The following LRRFIP1 variants were observed in gnomAD, a reference collection of about 807,000 sequenced individuals.
LRRFIP1 encodes the protein leucine-rich repeat flightless-interacting protein 1.
In LRRFIP1, 62 loss-of-function variants were observed where a neutral mutation model predicts 104.4. That is an observed-to-expected ratio of 0.59 (90% CI 0.48 to 0.73). The LOEUF is 0.73. LRRFIP1 is among the 30% of genes least tolerant of loss of function. The probability of loss-of-function intolerance (pLI) is 0.00; values close to 1 mark genes in which losing one functional copy is unlikely to be tolerated. For missense variants in LRRFIP1, 796 were observed against 824.5 expected (o/e 0.97, Z 0.42); for synonymous variants, 300 against 299.0 (o/e 1.00, Z -0.03).
Position 237,779,760 on chromosome 2 carries a change from G to T in LRRFIP1, c.*228G>T, listed in dbSNP as rs2061381041. 9 of 422,498 alleles carry T rather than the reference G, an allele frequency of 2.1e-5. 1 individual carries two copies. In the South Asian group the frequency reaches 2.3e-4, roughly 11 times the overall value. 26.2% of individuals were successfully genotyped at this position (422,498 alleles called of 1,614,324 possible). ...TGGCCCGGGCTGGCGCCGACGCTCAGAACCTGCAGGTACTTCATAAGCACA... is the reference window on the plus strand; with the variant it reads ...TGGCCCGGGCTGGCGCCGACGCTCATAACCTGCAGGTACTTCATAAGCACA... On this transcript the variant is annotated 3_prime_UTR_variant, in exon 24 of 24. Coordinates refer to ENST00000308482, the MANE Select transcript of LRRFIP1 (RefSeq NM_001137550.2).
At chr2:237,708,230 G>C (rs181704594) in intron 1 of LRRFIP1, among the ~76,000 whole-genome samples, 30 of 152,308 alleles carry the variant, frequency 2.0e-4, no homozygotes, top group African/African-American at 7.0e-4. Flanking sequence ...CTGTGCCTTC[G>C]TTCCCTCATA....
At chr2:237,707,628 T>C (rs1874145) in intron 1 of LRRFIP1, among the ~76,000 whole-genome samples, 6 of 152,318 alleles carry the variant, frequency 3.9e-5, no homozygotes, top group East Asian at 3.9e-4. Flanking sequence ...GTAACACTTA[T>C]GCCATCGAGC....
intron 18 of LRRFIP1, among the ~76,000 whole-genome samples, chr2:237,759,640 C>T (rs1159884422): frequency 1.3e-5 from 2 of 152,140 alleles, no homozygotes; most frequent in African/African-American, 2.4e-5. Flanking sequence ...ACATAAGTTT[C>T]GTGTGTCTCT....
intron 22 of LRRFIP1, among the ~76,000 whole-genome samples, chr2:237,773,355 T>C (rs747233852): frequency 6.6e-6 from 1 of 152,018 alleles, no homozygotes; most frequent in African/African-American, 2.4e-5. Flanking sequence ...CTGGCCAACA[T>C]AGTGAAACCC....
At chr2:237,757,334 T>A (rs1357067098) in intron 16 of LRRFIP1, 122 bp from the exon 17 acceptor site, 5 of 639,650 alleles carry the variant, frequency 7.8e-6, no homozygotes, top group Non-Finnish European at 1.4e-5. Flanking sequence ...GAGTTCAGGG[T>A]TGATGAGGTG....
intron 11 of LRRFIP1, among the ~76,000 whole-genome samples, chr2:237,746,376 A>G (rs1376824889): frequency 6.6e-6 from 1 of 152,294 alleles, no homozygotes; most frequent in East Asian, 1.9e-4. Flanking sequence ...TTTGATTTGA[A>G]AAATATTTCA....
At chr2:237,721,954 G>C (rs1260460084) in intron 6 of LRRFIP1, 1 of 152,262 alleles carries the variant, frequency 6.6e-6, no homozygotes, top group African/African-American at 2.4e-5. Flanking sequence ...ACTCACCCCA[G>C]AAGAGGGAAG....
rs1422890257 is a variant in LRRFIP1, at chr2:237,756,140, T to G, written c.1084T>G (p.Phe362Val). 1.2e-6 allele frequency: 2 copies of G among 1,614,082 alleles called. No individual in the cohort carries two copies. Among genetic ancestry groups the G allele is most frequent in the Non-Finnish European group, 1.7e-6 (2 of 1,179,980 alleles). ...KHAHSILQFQ[F>V]AEVKEALKQR... Reference sequence around the variant, plus strand: ...CGCCCACAGTATACTGCAATTTCAGTTTGCTGAAGTCAAGGAGGCCCTGAA... The same window carrying G: ...CGCCCACAGTATACTGCAATTTCAGGTTGCTGAAGTCAAGGAGGCCCTGAA... Residue 362 changes from phenylalanine to valine, a missense_variant, in exon 16 of 24, where the codon TTT becomes GTT. Coordinates refer to ENST00000308482, the MANE Select transcript of LRRFIP1 (RefSeq NM_001137550.2).
intron 1 of LRRFIP1, among the ~76,000 whole-genome samples, chr2:237,632,949 T>G (rs962059588): frequency 1.3e-5 from 2 of 152,218 alleles, no homozygotes; most frequent in African/African-American, 4.8e-5. Context: ...TTCATGACTT[T>G]TTTCTCTATG....
At chr2:237,690,728 C>T (rs1423008728) in intron 1 of LRRFIP1, among the ~76,000 whole-genome samples, 2 of 134,588 alleles carry the variant, frequency 1.5e-5, no homozygotes, top group Non-Finnish European at 3.0e-5. Flanking sequence ...CAGAGCGAGA[C>T]TCCATCTCAA....
At chr2:237,656,753 C>A (rs2086884163) in intron 1 of LRRFIP1, among the ~76,000 whole-genome samples, 1 of 152,202 alleles carries the variant, frequency 6.6e-6, no homozygotes. Flanking sequence ...GAAGAGCATG[C>A]ATTTTACTTC....
chr2:237,664,506 G>C (rs559378093), intron 1 of LRRFIP1, among the ~76,000 whole-genome samples: 1 of 152,344 alleles, frequency 6.6e-6, no homozygotes, highest in East Asian at 1.9e-4. Flanking sequence ...ACAGCTCCAG[G>C]GAGGCGTGAA....
chr2:237,734,272 C>CATTTT, intron 9 of LRRFIP1, among the ~76,000 whole-genome samples: 1 of 125,194 alleles, frequency 8.0e-6, no homozygotes, highest in South Asian at 2.6e-4. Context: ...TTGTTAATAA[C>CATTTT]CTTTTTTTTT....
chr2:237,632,207 A>C (rs7560003), intron 1 of LRRFIP1, among the ~76,000 whole-genome samples: 1 of 148,262 alleles, frequency 6.7e-6, no homozygotes, highest in Non-Finnish European at 1.5e-5. Flanking sequence ...GGGGTCACAC[A>C]GCCCCCAAGG....
intron 1 of LRRFIP1, among the ~76,000 whole-genome samples, chr2:237,628,524 G>T (rs570714184): frequency 6.6e-6 from 1 of 152,156 alleles, no homozygotes; most frequent in African/African-American, 2.4e-5. Flanking sequence ...GAGAGCAGCA[G>T]CTTGGGAAAA....
chr2:237,689,115 G>A (rs1224893221), intron 1 of LRRFIP1, among the ~76,000 whole-genome samples: 1 of 151,878 alleles, frequency 6.6e-6, no homozygotes, highest in African/African-American at 2.4e-5. Context: ...TCAAGAAGGG[G>A]ACTTTAAAGT....
intron 1 of LRRFIP1, among the ~76,000 whole-genome samples, chr2:237,646,181 G>A (rs1422319376): frequency 2.0e-5 from 3 of 151,792 alleles, no homozygotes; most frequent in Admixed American, 2.0e-4. Context: ...TGTCATTAGG[G>A]AAGATGGAAA....
chr2:237,732,755 TA>T (rs2095066622), intron 8 of LRRFIP1, among the ~76,000 whole-genome samples: 1 of 152,216 alleles, frequency 6.6e-6, no homozygotes, highest in Admixed American at 6.5e-5. Flanking sequence ...TTTGTTTTTT[TA>T]AAAATATTTT....
rs113566166 is a variant in LRRFIP1, at chr2:237,727,312, C to T, written c.385-564C>T. Among the ~76,000 whole-genome samples, 350 of 145,736 alleles carry T rather than the reference C, an allele frequency of 2.4e-3. 1 individual carries two copies. Among genetic ancestry groups the T allele is most frequent in the African/African-American group, 8.2e-3 (322 of 39,126 alleles). On this transcript the variant is annotated intron_variant, in intron 7 of 23. Coordinates refer to ENST00000308482, the MANE Select transcript of LRRFIP1 (RefSeq NM_001137550.2). ...CAGAGGTTGCAGTGAGCTGAGCTCA[C>T]ACTACTGCATTCTAGCCTGGGCGAC...
Sources: gnomAD v4.1 joint callset for allele counts (sites outside exome capture counted in the v4.1 genomes callset) on GRCh38, gnomAD v4.1.1 for gene constraint, MANE v1.5 for transcripts, NCBI Gene and HGNC (gene_info 2026-07-23, HGNC 2026-07-21) for gene names.